Variants in RPH3A observed in about 807,000 individuals in gnomAD.
RPH3A encodes the protein rabphilin-3A.
In RPH3A, 48 loss-of-function variants were observed where a neutral mutation model predicts 102.2. The ratio of observed to expected loss-of-function variants is 0.47; its 90% CI spans 0.37 to 0.60. The LOEUF (loss-of-function observed/expected upper bound fraction) is 0.60. RPH3A is among the 20% of genes least tolerant of loss of function. The pLI is 0.00. For missense variants in RPH3A, 781 were observed against 910.1 expected (o/e 0.86, Z 1.83); for synonymous variants, 310 against 324.3 (o/e 0.96, Z 0.47).
rs113867631 is a variant in RPH3A, at chr12:112,869,576, CA to C, written c.611-174del. The C allele has an allele frequency of 2.7e-3, 1,544 of 577,782 alleles. 1 individual carries two copies. The highest frequency in any genetic ancestry group is 4.2e-3 in the Middle Eastern group (9 of 2,126). 35.8% of individuals were successfully genotyped at this position (577,782 alleles called of 1,614,324 possible). On this transcript the variant is annotated intron_variant, in intron 8 of 21. Transcript: ENST00000389385. ...GTATGCTCATATGTGTTTGTGCATGCAAAAAAAAATGTGAAATTGTAAACAG... is the reference window on the plus strand; with the variant it reads ...GTATGCTCATATGTGTTTGTGCATGCAAAAAAAATGTGAAATTGTAAACAG...
chr12:112,754,658 A>C (rs1460372471), intron 1 of RPH3A, among the ~76,000 whole-genome samples: 1 of 152,212 alleles, frequency 6.6e-6, no homozygotes, highest in Non-Finnish European at 1.5e-5. Flanking sequence ...TTTCAATAAC[A>C]AAGAGAGGGA....
rs139044415 is a variant in RPH3A, at chr12:112,879,041, C to T, written c.1172-78C>T. ...GTCTCAATTCACAGCCCAGCCTGGG[C>T]ATATAGTAAGTGTTCAGGAAATGTT... On this transcript the variant is annotated intron_variant, in intron 13 of 21. Coordinates refer to ENST00000389385, the MANE Select transcript of RPH3A (RefSeq NM_001143854.2). 5.2e-5 allele frequency: 66 copies of T among 1,261,772 alleles called. No individual in the cohort carries two copies. The Middle Eastern group carries it at 7.5e-4, about 14-fold the overall frequency. 78.2% of individuals were successfully genotyped at this position (1,261,772 alleles called of 1,614,324 possible). A position where few individuals can be genotyped will look rare whatever the true frequency, so the allele number is the denominator to read the frequency against.
intron 1 of RPH3A, among the ~76,000 whole-genome samples, chr12:112,678,319 A>AGAGAGAGAG (rs1225677838): frequency 1.5e-5 from 1 of 68,536 alleles, no homozygotes; most frequent in African/African-American, 6.3e-5. Flanking sequence ...GAGAGAGAGA[A>AGAGAGAGAG]AGAAAGAAAG....
chr12:112,874,697 T>C (rs1313224700), intron 10 of RPH3A: 1 of 177,138 alleles, frequency 5.6e-6, no homozygotes, highest in East Asian at 1.6e-4. Context: ...CTTTAGTACA[T>C]GCCAAGCACT....
chr12:112,665,938 A>G (rs2040080631), intron 1 of RPH3A, among the ~76,000 whole-genome samples: 1 of 152,206 alleles, frequency 6.6e-6, no homozygotes, highest in Non-Finnish European at 1.5e-5. Flanking sequence ...AGCCTTCCTG[A>G]GCCATGTACA....
chr12:112,869,766 T>A lies in RPH3A; in HGVS notation c.618T>A (p.Ser206Arg). The change falls in exon 9 of 22, where the codon AGT becomes AGA. Residue 206 changes from serine to arginine, a missense_variant. Ser to Arg is a moderately radical substitution (Grantham distance 110). Transcript: ENST00000389385. The stretch of plus-strand genomic sequence containing the variant: ...TGTGTTTTCTTTCTCCAGGTGACAG[T>A]GAAGATAGGAGGGGCCCGGGTCAGA... The part of the protein sequence containing the change: ...HPARAPARGD[S>R]EDRRGPGQKT... 1 of 1,614,142 alleles carries A rather than the reference T, an allele frequency of 6.2e-7. No homozygotes were observed. The highest frequency in any genetic ancestry group is 8.5e-7 in the Non-Finnish European group (1 of 1,180,022).
At chr12:112,830,773 A>G (rs1335539713) in intron 3 of RPH3A, among the ~76,000 whole-genome samples, 1 of 152,094 alleles carries the variant, frequency 6.6e-6, no homozygotes, top group African/African-American at 2.4e-5. Context: ...TGATATTAAA[A>G]AACAACATCA....
chr12:112,712,892 TTCTTCTTCTTCC>T (rs1184946988), intron 1 of RPH3A, among the ~76,000 whole-genome samples: 3 of 134,648 alleles, frequency 2.2e-5, no homozygotes, highest in African/African-American at 6.1e-5. Flanking sequence ...CTTCTTCTTC[TTCTTCTTCTTCC>T]TCTTCTTCTT....
At chr12:112,679,029 A>T (rs138102674) in intron 1 of RPH3A, among the ~76,000 whole-genome samples, 3 of 152,098 alleles carry the variant, frequency 2.0e-5, no homozygotes, top group African/African-American at 7.2e-5. Context: ...CTTCATTTCC[A>T]TGGACCAACC....
At chr12:112,814,096 A>G (rs2041629732) in intron 2 of RPH3A, among the ~76,000 whole-genome samples, 1 of 150,900 alleles carries the variant, frequency 6.6e-6, no homozygotes, top group South Asian at 2.1e-4. Flanking sequence ...ACGAGTGTGT[A>G]GGGGAGGATG....
intron 1 of RPH3A, among the ~76,000 whole-genome samples, chr12:112,693,925 A>G (rs1215794399): frequency 6.6e-6 from 1 of 152,236 alleles, no homozygotes; most frequent in Non-Finnish European, 1.5e-5. Flanking sequence ...ACTGATGTTC[A>G]GCAGTTAGGA....
At chr12:112,845,503 C>T (rs751083663) in intron 4 of RPH3A, among the ~76,000 whole-genome samples, 7 of 152,290 alleles carry the variant, frequency 4.6e-5, no homozygotes, top group South Asian at 2.1e-4. Flanking sequence ...GGTACCTGTG[C>T]GAACAGGGGG....
chr12:112,752,968 C>CTTTTTTTTT (rs3037266), intron 1 of RPH3A, among the ~76,000 whole-genome samples: 1 of 118,900 alleles, frequency 8.4e-6, no homozygotes, highest in Non-Finnish European at 1.7e-5. Flanking sequence ...GTCCAGTTTT[C>CTTTTTTTTT]TTTTTTTTTT....
In RPH3A at chr12:112,875,150, C is replaced by T; in HGVS notation, c.863C>T (p.Pro288Leu). ...CCAGGCTCGGTGCAGAGCCCAGCGC[C>T]ACCTCAGCCTGGGCAGCCAGGTACC... Reference protein sequence around the residue: ...PAPGSVQSPAPPQPGQPGTPG... With the variant: ...PAPGSVQSPALPQPGQPGTPG... The change falls in exon 11 of 22, where the codon CCA (proline) becomes CTA (leucine). Residue 288 changes from proline (P) to leucine (L), a missense_variant. By Grantham distance (98) the Pro-to-Leu change is moderately conservative. This residue lies in a region of RPH3A where 730 missense variants were observed against 810.0 expected (regional missense o/e 0.90). Transcript: ENST00000389385. 6.2e-7 allele frequency: 1 copy of T among 1,605,816 alleles called. No individual in the cohort carries two copies. Among genetic ancestry groups the T allele is most frequent in the Non-Finnish European group, 8.5e-7 (1 of 1,176,620 alleles).
At chr12:112,870,304 C>G (rs2042685626) in intron 10 of RPH3A, among the ~76,000 whole-genome samples, 1 of 137,994 alleles carries the variant, frequency 7.2e-6, no homozygotes, top group African/African-American at 2.8e-5. Context: ...TTTTTTCTCC[C>G]CGCCTCAAAA....
At chr12:112,589,489 C>A (rs914155055) in intron 1 of RPH3A, among the ~76,000 whole-genome samples, 6 of 152,142 alleles carry the variant, frequency 3.9e-5, no homozygotes, top group African/African-American at 1.4e-4. Flanking sequence ...ACTGGCTGTT[C>A]CCTCAGCCTG....
At chr12:112,620,382 G>C (rs557482232) in intron 1 of RPH3A, among the ~76,000 whole-genome samples, 1 of 152,258 alleles carries the variant, frequency 6.6e-6, no homozygotes, top group Non-Finnish European at 1.5e-5. Context: ...AATTACAAAT[G>C]CTCATTATAC....
intron 2 of RPH3A, among the ~76,000 whole-genome samples, chr12:112,810,334 CA>C (rs1402176687): frequency 2.0e-5 from 3 of 152,210 alleles, no homozygotes; most frequent in Non-Finnish European, 4.4e-5. Flanking sequence ...GAACCACTTG[CA>C]ACTACCCCTC....
intron 1 of RPH3A, among the ~76,000 whole-genome samples, chr12:112,650,330 C>G (rs947763805): frequency 1.2e-4 from 18 of 152,188 alleles, no homozygotes; most frequent in African/African-American, 4.3e-4. Context: ...GTCCAGGCCT[C>G]CCTGATGTCA....
Sources: gnomAD v4.1 joint callset for allele counts (sites outside exome capture counted in the v4.1 genomes callset) on GRCh38, gnomAD v4.1.1 for gene constraint, gnomAD v4.1.1 regional missense constraint, MANE v1.5 for transcripts, NCBI Gene and HGNC (gene_info 2026-07-23, HGNC 2026-07-21) for gene names.